The following NKTR variants were observed in gnomAD, a reference collection of about 807,000 sequenced individuals.
The protein encoded by NKTR is natural killer cell triggering receptor.
NKTR carries 67 observed loss-of-function variants against 156.3 expected under a neutral mutation model. The observed-to-expected ratio is 0.43, with a 90% confidence interval of 0.35 to 0.53. The LOEUF (loss-of-function observed/expected upper bound fraction) is 0.53, where lower values mean the gene tolerates loss of function less well. Among genes scored for constraint, NKTR ranks in the 20% least tolerant of loss-of-function variants. NKTR has a pLI of 0.01. For synonymous variants in NKTR, 640 were observed against 596.6 expected (o/e 1.07, Z -1.06); for missense variants, 1,604 against 1,730.9 (o/e 0.93, Z 1.30).
intron 6 of NKTR, chr3:42,629,702 T>C (rs1708718046): frequency 2.0e-6 from 2 of 982,224 alleles, no homozygotes; most frequent in Non-Finnish European, 2.4e-6. Context: ...TTATCTGCTT[T>C]TGAATTTTTT....
chr3:42,637,089 C>T lies in NKTR; in HGVS notation c.1385C>T (p.Pro462Leu). 3 of 1,605,276 alleles carry T rather than the reference C, an allele frequency of 1.9e-6. No individual in the cohort carries two copies. Among genetic ancestry groups the T allele is most frequent in the Non-Finnish European group, 2.5e-6 (3 of 1,177,584 alleles). Reference sequence around the variant, plus strand: ...ACAAAGAAGAGAAGGATTCTTATACCGTCTGACATAGAATCCTCAAAATCT... The same window carrying T: ...ACAAAGAAGAGAAGGATTCTTATACTGTCTGACATAGAATCCTCAAAATCT... Reference protein sequence around the residue: ...KQTKKRRILIPSDIESSKSST... With the variant: ...KQTKKRRILILSDIESSKSST... The change falls in exon 13 of 17, where the codon CCG (proline) becomes CTG (leucine). Residue 462 changes from proline (P) to leucine (L), a missense_variant. Pro to Leu is a moderately conservative substitution (Grantham distance 98). This residue lies in a region of NKTR where 1,255 missense variants were observed against 1,243.7 expected (regional missense o/e 1.01). Coordinates refer to ENST00000232978, the MANE Select transcript of NKTR (RefSeq NM_005385.4).
intron 6 of NKTR, chr3:42,628,100 C>T (rs1171942084): frequency 5.1e-6 from 5 of 984,984 alleles, no homozygotes; most frequent in South Asian, 4.7e-5. Context: ...AGGTTGAGAA[C>T]CCCAGAGGGC....
At chr3:42,626,947 CTA>C in intron 6 of NKTR, among the ~76,000 whole-genome samples, 1 of 152,194 alleles carries the variant, frequency 6.6e-6, no homozygotes, top group African/African-American at 2.4e-5. Flanking sequence ...TATTGGCACT[CTA>C]TGTTACAATA....
At chr3:42,626,336 A>G (rs1339350576) in intron 6 of NKTR, among the ~76,000 whole-genome samples, 1 of 152,094 alleles carries the variant, frequency 6.6e-6, no homozygotes. Context: ...TTCATGGTAT[A>G]ATAGTATTTT....
At chr3:42,636,010 T>C (rs1328489918) in intron 12 of NKTR, among the ~76,000 whole-genome samples, 2 of 152,174 alleles carry the variant, frequency 1.3e-5, no homozygotes, top group Non-Finnish European at 2.9e-5. Flanking sequence ...AAACCTGCAC[T>C]CGGTGTTCAT....
At position 42,638,623 on chromosome 3, in the gene NKTR, G is replaced by A. The variant is rs1709625685; in HGVS notation, c.2919G>A (p.Lys973=). The stretch of plus-strand genomic sequence containing the variant: ...CCAATTCGGAAAACAATAGGGGAAA[G>A]CCACAAAAGCACAAACATGGGTCAA... The part of the protein sequence containing the change: ...SCSNSENNRG[K]PQKHKHGSKE... Residue 973 remains lysine (K), a synonymous_variant, in exon 13 of 17, where the codon AAG becomes AAA. Transcript: ENST00000232978. The A allele has an allele frequency of 1.2e-6, 2 of 1,613,388 alleles. No individual in the cohort carries two copies. Among genetic ancestry groups the A allele is most frequent in the Non-Finnish European group, 1.7e-6 (2 of 1,179,856 alleles).
chr3:42,629,563 G>A (rs1451348130), intron 6 of NKTR: 1 of 984,216 alleles, frequency 1.0e-6, no homozygotes, highest in East Asian at 1.1e-4. Flanking sequence ...TAGTACAGTT[G>A]ACTGCTTTAA....
chr3:42,610,657 T>C (rs552528578), intron 2 of NKTR, among the ~76,000 whole-genome samples: 1 of 152,222 alleles, frequency 6.6e-6, no homozygotes, highest in South Asian at 2.1e-4. Context: ...ACTATATTAG[T>C]AGATTTCCTA....
At chr3:42,600,952 GC>G in intron 1 of NKTR, 31 bp from the exon 2 acceptor site, 3 of 1,430,040 alleles carry the variant, frequency 2.1e-6, no homozygotes, top group Non-Finnish European at 2.8e-6. Context: ...CCTCGCCCCT[GC>G]CCTGACCGCT....
Position 42,600,772 on chromosome 3 carries a change from C to A in NKTR, c.-30C>A. ...ACGGGGACCCGCTCAGGCTGGAGGC[C>A]AGCCAGGTGAAGAGCTCGCCCGCAT... On this transcript the variant is annotated 5_prime_UTR_variant, in exon 1 of 17. Transcript: ENST00000232978. The A allele has an allele frequency of 2.7e-6, 1 of 369,094 alleles. No individual in the cohort carries two copies. Among genetic ancestry groups the A allele is most frequent in the Non-Finnish European group, 4.9e-6 (1 of 204,758 alleles). The allele number at this position is 369,094 out of a possible 1,614,324, so 22.9% of individuals were successfully genotyped here.
At chr3:42,635,863 G>A (rs535620640) in intron 12 of NKTR, among the ~76,000 whole-genome samples, 81 of 151,716 alleles carry the variant, frequency 5.3e-4, no homozygotes, top group African/African-American at 1.7e-3. Flanking sequence ...AGCTGAGATC[G>A]TGCCACTGCA....
intron 2 of NKTR, among the ~76,000 whole-genome samples, chr3:42,609,727 C>T (rs1426139088): frequency 1.3e-5 from 2 of 152,144 alleles, no homozygotes; most frequent in African/African-American, 2.4e-5. Context: ...CATTATGCCT[C>T]TCAAAGTTGG....
At position 42,635,245 on chromosome 3, in the gene NKTR, A is replaced by G. The variant is rs1183876461; in HGVS notation, c.1042A>G (p.Arg348Gly). ...TIRYHTPPRSRSCSESDDDDS... is the reference protein window; with the variant it reads ...TIRYHTPPRSGSCSESDDDDS... ...GCGCTATCACACACCTCCAAGATCA[A>G]GATCCTGTTCTGAGTCAGATGATGA... The change falls in exon 12 of 17, where the codon AGA becomes GGA. Residue 348 changes from arginine to glycine, a missense_variant. Arg to Gly is a moderately radical substitution (Grantham distance 125). Coordinates refer to ENST00000232978, the MANE Select transcript of NKTR (RefSeq NM_005385.4). 6.2e-7 allele frequency: 1 copy of G among 1,612,578 alleles called. No individual in the cohort carries two copies. Among genetic ancestry groups the G allele is most frequent in the East Asian group, 2.2e-5 (1 of 44,826 alleles).
intron 2 of NKTR, chr3:42,612,505 C>T (rs895449403): frequency 2.6e-5 from 4 of 152,208 alleles, no homozygotes; most frequent in East Asian, 1.9e-4. Flanking sequence ...CTCTAACATC[C>T]GGCCTCATTT....
intron 2 of NKTR, among the ~76,000 whole-genome samples, chr3:42,606,306 T>C (rs922434715): frequency 2.6e-5 from 4 of 152,230 alleles, no homozygotes; most frequent in Non-Finnish European, 4.4e-5. Context: ...TTTTCGATAA[T>C]GCAGTGTTTC....
In NKTR at chr3:42,635,257, G is replaced by A; in HGVS notation, c.1054G>A (p.Glu352Lys). ...ACCTCCAAGATCAAGATCCTGTTCT[G>A]AGTCAGATGATGATGACAGCAGTGA... ...HTPPRSRSCS[E>K]SDDDDSSETP... is the part of the protein sequence containing the mutation. The change falls in exon 12 of 17, where the codon GAG becomes AAG. Residue 352 changes from glutamate (E) to lysine (K), a missense_variant. Coordinates refer to ENST00000232978, the MANE Select transcript of NKTR (RefSeq NM_005385.4). 1 of 1,613,768 alleles carries A rather than the reference G, an allele frequency of 6.2e-7. No individual in the cohort carries two copies. Among genetic ancestry groups the A allele is most frequent in the Non-Finnish European group, 8.5e-7 (1 of 1,179,880 alleles).
rs144119586 is a variant in NKTR, at chr3:42,638,026, C to T, written c.2322C>T (p.Ser774=). 2.4e-5 allele frequency: 39 copies of T among 1,614,004 alleles called. No homozygotes were observed. The African/African-American group carries it at 4.4e-4, about 18-fold the overall frequency. ...ATAGCGTTTCACATAAAAAGCATAG[C>T]AGCAGCTCTGAAAAGACACTTCACA... ...KKNSVSHKKH[S]SSSEKTLHSK... is the part of the protein sequence containing the mutation. The change falls in exon 13 of 17, where the codon AGC becomes AGT. Residue 774 remains serine, a synonymous_variant. Transcript: ENST00000232978.
intron 5 of NKTR, chr3:42,620,761 T>C (rs1707834877): frequency 1.0e-6 from 1 of 984,558 alleles, no homozygotes; most frequent in African/African-American, 1.7e-5. Context: ...TTCTGTTATG[T>C]AGCAATTTAA....
At chr3:42,610,703 A>G (rs1706702361) in intron 2 of NKTR, among the ~76,000 whole-genome samples, 1 of 151,894 alleles carries the variant, frequency 6.6e-6, no homozygotes. Context: ...TGAGATTGGC[A>G]TATGGGGTTT....
Sources: allele counts gnomAD v4.1 joint callset (sites outside exome capture counted in the v4.1 genomes callset), GRCh38; gene constraint gnomAD v4.1.1; regional missense constraint gnomAD v4.1.1; transcripts MANE v1.5; gene names NCBI Gene and HGNC (gene_info 2026-07-23, HGNC 2026-07-21).